The following SIPA1L2 variants were observed in gnomAD, a reference collection of about 807,000 sequenced individuals.
SIPA1L2 encodes the protein signal induced proliferation associated 1 like 2.
In SIPA1L2, 56 loss-of-function variants were observed where a neutral mutation model predicts 163.9. The ratio of observed to expected loss-of-function variants is 0.34; its 90% CI spans 0.28 to 0.43. SIPA1L2 has a LOEUF of 0.43. SIPA1L2 is among the 20% of genes least tolerant of loss of function. SIPA1L2 has a pLI of 1.00. For synonymous variants in SIPA1L2, 877 were observed against 865.7 expected (o/e 1.01, Z -0.23); for missense variants, 1,974 against 2,193.5 (o/e 0.90, Z 2.00).
chr1:232,488,800 C>T (rs1219089173), intron 5 of SIPA1L2, among the ~76,000 whole-genome samples: 3 of 152,124 alleles, frequency 2.0e-5, no homozygotes, highest in African/African-American at 7.2e-5. Flanking sequence ...CAAAGACATT[C>T]GAAAGGAGCT....
intron 1 of SIPA1L2, among the ~76,000 whole-genome samples, chr1:232,613,794 G>C (rs1662371861): frequency 6.6e-6 from 1 of 152,150 alleles, no homozygotes; most frequent in Admixed American, 6.5e-5. Flanking sequence ...TGACCTTTCA[G>C]GTGCTATGTG....
chr1:232,428,835 T>C (rs1224624691), intron 16 of SIPA1L2, among the ~76,000 whole-genome samples: 3 of 152,186 alleles, frequency 2.0e-5, no homozygotes, highest in Non-Finnish European at 4.4e-5. Flanking sequence ...AGCCAACTTT[T>C]AAAATACGGC....
At chr1:232,483,117 G>C (rs1274813906) in intron 6 of SIPA1L2, among the ~76,000 whole-genome samples, 2 of 152,106 alleles carry the variant, frequency 1.3e-5, no homozygotes, top group Non-Finnish European at 2.9e-5. Flanking sequence ...GTAGATATTA[G>C]ACAAATTCAT....
At chr1:232,602,211 G>A (rs548205013) in intron 1 of SIPA1L2, among the ~76,000 whole-genome samples, 1 of 152,272 alleles carries the variant, frequency 6.6e-6, no homozygotes, top group African/African-American at 2.4e-5. Context: ...GAGGTGAGGG[G>A]CAGGAGCCTC....
chr1:232,488,833 AG>A (rs1240331938), intron 5 of SIPA1L2, among the ~76,000 whole-genome samples: 2 of 152,344 alleles, frequency 1.3e-5, no homozygotes, highest in East Asian at 3.9e-4. Flanking sequence ...AGAAGACAAT[AG>A]GGGGCCATCA....
rs539013608 is a variant in SIPA1L2 at position 232,446,430 on chromosome 1, G to C, written c.3096-644C>G. ...TGGAAATGTCCATTATCTTGTTTGT[G>C]GTGACTATTTCACACATGGGCCAAA... On this transcript the variant is annotated intron_variant, in intron 10 of 22. Coordinates refer to ENST00000674635, the MANE Select transcript of SIPA1L2 (RefSeq NM_020808.5). Among the ~76,000 whole-genome samples the C allele has an allele frequency of 1.3e-4, 20 of 152,206 alleles. No homozygotes were observed. The South Asian group carries it at 4.2e-3, about 32-fold the overall frequency.
chr1:232,479,526 C>T (rs904227367), intron 7 of SIPA1L2, 101 bp downstream of exon 7: 5 of 915,566 alleles, frequency 5.5e-6, no homozygotes, highest in African/African-American at 4.9e-5. Flanking sequence ...AAGAAAAACC[C>T]TCACTGATTC....
intron 4 of SIPA1L2, 101 bp downstream of exon 4, chr1:232,493,424 TAA>T (rs11294872): frequency 8.3e-6 from 11 of 1,324,726 alleles, no homozygotes; most frequent in Admixed American, 4.6e-5. Context: ...TCATTAACAT[TAA>T]AAAAAAATAA....
rs1476339776 is a variant in SIPA1L2 at position 232,416,964 on chromosome 1, C to T, written c.4631-1339G>A. ...CATCTGAGGACAAGTTCTAAAAAGG[C>T]TTCAACTGGACTTTAATGTGCCTTT... On this transcript the variant is annotated intron_variant, in intron 18 of 22. Coordinates refer to ENST00000674635, the MANE Select transcript of SIPA1L2 (RefSeq NM_020808.5). Among the ~76,000 whole-genome samples the T allele has an allele frequency of 3.3e-5, 5 of 152,294 alleles. No homozygotes were observed. In the East Asian group the frequency reaches 9.6e-4, roughly 29 times the overall value.
At chr1:232,414,384 G>A (rs928108384) in intron 19 of SIPA1L2, among the ~76,000 whole-genome samples, 14 of 152,128 alleles carry the variant, frequency 9.2e-5, no homozygotes, top group African/African-American at 3.4e-4. Context: ...TCACAGATGA[G>A]GGGCAGTGAA....
rs1665211951 is a variant in SIPA1L2 at position 232,479,459 on chromosome 1, C to T, written c.2085+168G>A. Reference sequence around the variant, plus strand: ...TACGAAAAAAGTGCAACAATACGCCCTTTAAAGCCCAAATACTTCCAAATG... The same window carrying T: ...TACGAAAAAAGTGCAACAATACGCCTTTTAAAGCCCAAATACTTCCAAATG... On this transcript the variant is annotated intron_variant, in intron 7 of 22. Coordinates refer to ENST00000674635, the MANE Select transcript of SIPA1L2 (RefSeq NM_020808.5). Among the ~76,000 whole-genome samples the T allele has an allele frequency of 2.0e-5, 3 of 152,300 alleles. No homozygotes were observed. The South Asian group carries it at 6.2e-4, about 32-fold the overall frequency.
intron 5 of SIPA1L2, 106 bp downstream of exon 5, chr1:232,490,768 C>T (rs1235363012): frequency 8.7e-7 from 1 of 1,154,690 alleles, no homozygotes; most frequent in Non-Finnish European, 1.2e-6. Flanking sequence ...TGTTCTAAGG[C>T]ATTTAAAATA....
At chr1:232,466,648 G>A (rs1178708610) in intron 8 of SIPA1L2, among the ~76,000 whole-genome samples, 4 of 152,024 alleles carry the variant, frequency 2.6e-5, no homozygotes, top group Admixed American at 6.6e-5. Context: ...AAAATTAGCC[G>A]GGCGTGGTGG....
chr1:232,438,797 C>T (rs758415857), intron 15 of SIPA1L2, among the ~76,000 whole-genome samples: 4 of 151,976 alleles, frequency 2.6e-5, no homozygotes, highest in East Asian at 1.9e-4. Context: ...CTCCAAAACA[C>T]GTAGGGACAA....
At chr1:232,522,370 T>G (rs1187075741) in intron 2 of SIPA1L2, among the ~76,000 whole-genome samples, 1 of 152,118 alleles carries the variant, frequency 6.6e-6, no homozygotes, top group Non-Finnish European at 1.5e-5. Flanking sequence ...TGCCCACATC[T>G]CTTCAAGATG....
intron 7 of SIPA1L2, 63 bp from the exon 8 acceptor site, chr1:232,471,591 T>A: frequency 7.8e-7 from 1 of 1,290,020 alleles, no homozygotes; most frequent in Non-Finnish European, 1.0e-6. Flanking sequence ...ATATATATAA[T>A]TCACTCATCT....
intron 1 of SIPA1L2, among the ~76,000 whole-genome samples, chr1:232,580,916 C>T (rs753128589): frequency 5.9e-5 from 9 of 152,094 alleles, no homozygotes; most frequent in Non-Finnish European, 1.2e-4. Context: ...ACCATCAATC[C>T]TTTATTCTGC....
At chr1:232,438,328 G>A (rs1334389868) in intron 15 of SIPA1L2, among the ~76,000 whole-genome samples, 1 of 152,182 alleles carries the variant, frequency 6.6e-6, no homozygotes, top group Non-Finnish European at 1.5e-5. Context: ...ATCAGGGAAG[G>A]CCTTGGAAAC....
chr1:232,432,787 T>C (rs1662327275), intron 15 of SIPA1L2, among the ~76,000 whole-genome samples: 1 of 152,146 alleles, frequency 6.6e-6, no homozygotes, highest in Non-Finnish European at 1.5e-5. Context: ...AAATGGTGAA[T>C]ATATTTGTCG....
Sources: gnomAD v4.1 joint callset for allele counts (sites outside exome capture counted in the v4.1 genomes callset) on GRCh38, gnomAD v4.1.1 for gene constraint, MANE v1.5 for transcripts, NCBI Gene and HGNC (gene_info 2026-07-23, HGNC 2026-07-21) for gene names.